CLASP2: variants seen among roughly 807,000 people sequenced by gnomAD.
CLASP2 encodes CLIP-associating protein 2.
In CLASP2, 47 loss-of-function variants were observed where a neutral mutation model predicts 194.4. The ratio of observed to expected loss-of-function variants is 0.24; its 90% confidence interval spans 0.19 to 0.31. The LOEUF is 0.31. CLASP2 is among the 10% of genes least tolerant of loss of function. The pLI is 1.00. For missense variants in CLASP2, 1,445 were observed against 1,823.6 expected (o/e 0.79, Z 3.78); for synonymous variants, 619 against 633.5 (o/e 0.98, Z 0.34).
At chr3:33,576,017 T>C in intron 24 of CLASP2, 152 bp downstream of exon 24, 1 of 604,532 alleles carries the variant, frequency 1.7e-6, no homozygotes, top group Non-Finnish European at 3.0e-6. Flanking sequence ...CAAGAATTAA[T>C]TATATTCTGC....
intron 23 of CLASP2, 28 bp from the exon 24 acceptor site, chr3:33,576,303 T>C (rs1044396906): frequency 7.7e-6 from 12 of 1,560,686 alleles, no homozygotes; most frequent in Non-Finnish European, 9.7e-6. Flanking sequence ...GGAAAATAGA[T>C]TTGAAGGAGT....
chr3:33,517,669 CT>C (rs143972533), intron 34 of CLASP2, among the ~76,000 whole-genome samples: 13 of 151,918 alleles, frequency 8.6e-5, no homozygotes, highest in East Asian at 1.9e-4. Context: ...AATCATCCCC[CT>C]TTTTTTTCTG....
chr3:33,554,447 G>A (rs2060577167), intron 29 of CLASP2, among the ~76,000 whole-genome samples: 1 of 152,186 alleles, frequency 6.6e-6, no homozygotes, highest in South Asian at 2.1e-4. Context: ...CATGCAGCAC[G>A]TAAAAAGTCA....
At chr3:33,602,662 C>T (rs1472734333) in intron 18 of CLASP2, 2 of 708,886 alleles carry the variant, frequency 2.8e-6, no homozygotes, top group Admixed American at 2.0e-5. Flanking sequence ...TCCCAAACCC[C>T]CTTAGAAACC....
At chr3:33,696,349 CTTTCTTTTTTTTTTT>C (rs1412144346) in intron 2 of CLASP2, among the ~76,000 whole-genome samples, 31 of 44,312 alleles carry the variant, frequency 7.0e-4, no homozygotes, top group Middle Eastern at 0.016. Flanking sequence ...AATTTTCTTT[CTTTCTTTTTTTTTTT>C]TTTTTTTTTT....
intron 1 of CLASP2, among the ~76,000 whole-genome samples, chr3:33,698,942 C>A (rs2092168389): frequency 6.6e-6 from 1 of 152,054 alleles, no homozygotes; most frequent in Non-Finnish European, 1.5e-5. Context: ...ATTTAAATAA[C>A]TGTGATTAAT....
chr3:33,639,561 C>T (rs776660494), intron 8 of CLASP2, among the ~76,000 whole-genome samples: 39 of 152,014 alleles, frequency 2.6e-4, no homozygotes, highest in Non-Finnish European at 2.9e-4. Context: ...GGAAGTAAAA[C>T]AAAATTGGGG....
intron 29 of CLASP2, 55 bp downstream of exon 29, chr3:33,559,252 T>G (rs2061420928): frequency 9.5e-7 from 1 of 1,049,502 alleles, no homozygotes; most frequent in Non-Finnish European, 1.4e-6. Flanking sequence ...AACATAACTT[T>G]ATTAATAAAT....
intron 29 of CLASP2, among the ~76,000 whole-genome samples, chr3:33,554,042 A>G (rs1297446668): frequency 1.3e-5 from 2 of 152,090 alleles, no homozygotes; most frequent in Non-Finnish European, 2.9e-5. Flanking sequence ...GCCGGGGCCA[A>G]CGTAGTTAAA....
intron 2 of CLASP2, among the ~76,000 whole-genome samples, chr3:33,695,210 A>G (rs1290130722): frequency 7.1e-6 from 1 of 140,490 alleles, no homozygotes; most frequent in Admixed American, 7.6e-5. Flanking sequence ...ACACACCAGT[A>G]AGCCTGCTAA....
chr3:33,600,522 T>G (rs1292460332), intron 18 of CLASP2, among the ~76,000 whole-genome samples: 1 of 152,210 alleles, frequency 6.6e-6, no homozygotes, highest in Non-Finnish European at 1.5e-5. Flanking sequence ...TTGACTGGTC[T>G]TCACATACTG....
intron 16 of CLASP2, among the ~76,000 whole-genome samples, chr3:33,604,632 T>C (rs1218890745): frequency 6.6e-6 from 1 of 152,176 alleles, no homozygotes; most frequent in East Asian, 1.9e-4. Flanking sequence ...GTACTTCCAA[T>C]TTGAATTCTC....
intron 21 of CLASP2, among the ~76,000 whole-genome samples, chr3:33,585,223 C>G (rs1243566891): frequency 2.6e-5 from 4 of 152,110 alleles, no homozygotes; most frequent in Admixed American, 2.6e-4. Context: ...AAATGGTATA[C>G]AAGATTTCCA....
intron 6 of CLASP2, among the ~76,000 whole-genome samples, chr3:33,665,189 T>C (rs1449185634): frequency 6.6e-6 from 1 of 151,816 alleles, no homozygotes; most frequent in Admixed American, 6.6e-5. Flanking sequence ...GGCATAACAT[T>C]TGGCTATAGA....
At chr3:33,617,508 G>T (rs568713661) in intron 12 of CLASP2, among the ~76,000 whole-genome samples, 1 of 152,058 alleles carries the variant, frequency 6.6e-6, no homozygotes, top group Admixed American at 6.6e-5. Context: ...ATATTTTTGT[G>T]TAACTGTGAA....
At chr3:33,664,457 C>T (rs2085836379) in intron 6 of CLASP2, among the ~76,000 whole-genome samples, 1 of 152,174 alleles carries the variant, frequency 6.6e-6, no homozygotes, top group Non-Finnish European at 1.5e-5. Flanking sequence ...TAAAACCTTA[C>T]TTAAGCCTTG....
chr3:33,544,669 T>C (rs1322163551), intron 31 of CLASP2, 29 bp downstream of exon 31: 1 of 1,596,450 alleles, frequency 6.3e-7, no homozygotes, highest in East Asian at 2.2e-5. Flanking sequence ...TCACATTATA[T>C]GATAGCCAAG....
intron 21 of CLASP2, among the ~76,000 whole-genome samples, chr3:33,587,914 A>G (rs980369563): frequency 1.3e-5 from 2 of 152,224 alleles, no homozygotes; most frequent in African/African-American, 4.8e-5. Flanking sequence ...GTATTCTATT[A>G]AAACCAATAT....
chr3:33,683,051 C>A (rs1211107462), intron 6 of CLASP2: 2 of 152,082 alleles, frequency 1.3e-5, no homozygotes, highest in Non-Finnish European at 2.9e-5. Context: ...TTCTGTTACC[C>A]AATAAATTGT....
Sources: gnomAD v4.1 joint callset for allele counts (sites outside exome capture counted in the v4.1 genomes callset) on GRCh38, gnomAD v4.1.1 for gene constraint, MANE v1.5 for transcripts, NCBI Gene and HGNC (gene_info 2026-07-23, HGNC 2026-07-21) for gene names.